TUBA1A: variants seen among roughly 807,000 people sequenced by gnomAD.
TUBA1A encodes tubulin alpha-1A chain.
Under a neutral mutation model 34.6 loss-of-function variants are expected in TUBA1A, and 7 were observed. That is an observed-to-expected ratio of 0.20 (90% CI 0.11 to 0.38). The LOEUF is 0.38. TUBA1A is among the 10% of genes least tolerant of loss of function. The pLI, the probability that TUBA1A is intolerant of heterozygous loss-of-function variation, is 1.00. For synonymous variants in TUBA1A, 193 were observed against 210.2 expected, an observed-to-expected ratio of 0.92 and a Z score of 0.71; for missense variants, 19 against 581.3, an observed-to-expected ratio of 0.03 and a Z score of 9.95.
intron 1 of TUBA1A, chr12:49,187,259 T>C (rs1044206245): frequency 1.8e-6 from 2 of 1,100,002 alleles, no homozygotes; most frequent in African/African-American, 3.3e-5. Flanking sequence ...TCCGGACATC[T>C]GTACTGCAGC....
intron 1 of TUBA1A, chr12:49,187,873 C>G (rs1449593647): frequency 1.2e-5 from 11 of 956,160 alleles, no homozygotes; most frequent in Non-Finnish European, 1.2e-5. Context: ...TTAGGGCTAC[C>G]ACTTTCATTG....
In TUBA1A at chr12:49,188,786, G is replaced by A; in HGVS notation, c.3+191C>T. On this transcript the variant is annotated intron_variant, in intron 1 of 3. Coordinates refer to ENST00000301071, the MANE Select transcript of TUBA1A (RefSeq NM_006009.4). This position sits in a 1 kb window ranked among gnomAD's most constrained non-coding sequence, Gnocchi z 4.9. The stretch of plus-strand genomic sequence containing the variant: ...TCTGCTGCGCCCTGGGCGCAGTACT[G>A]GCCCGGTTCCTGCACCCGCACTGCG... 6.3e-7 allele frequency: 1 copy of A among 1,584,456 alleles called. No homozygotes were observed. The highest frequency in any genetic ancestry group is 8.5e-7 in the Non-Finnish European group (1 of 1,172,918).
In TUBA1A at chr12:49,188,436, G is replaced by T. The variant is rs1207393539; in HGVS notation, c.3+541C>A. On this transcript the variant is annotated intron_variant, in intron 1 of 3. Coordinates refer to ENST00000301071, the MANE Select transcript of TUBA1A (RefSeq NM_006009.4). This position sits in a 1 kb window ranked among gnomAD's most constrained non-coding sequence, Gnocchi z 4.9. ...ACTCACCATGTTTTCCCGGGAATGT[G>T]TGGGTATCTTTCCAAAACGCCAAAG... The T allele has an allele frequency of 6.5e-7, 1 of 1,535,924 alleles. No homozygotes were observed. Among genetic ancestry groups the T allele is most frequent in the South Asian group, 1.2e-5 (1 of 84,050 alleles).
chr12:49,184,834 C>A lies in TUBA1A; in HGVS notation c.*176G>T. 3 of 1,039,714 alleles carry A rather than the reference C, an allele frequency of 2.9e-6. No individual in the cohort carries two copies. Among genetic ancestry groups the A allele is most frequent in the Non-Finnish European group, 4.3e-6 (3 of 694,914 alleles). 64.4% of individuals were successfully genotyped at this position (1,039,714 alleles called of 1,614,324 possible). Reference sequence around the variant, plus strand: ...GGAATACTTTATTCAAAACCCATCACAGAAATGGACAGCTTGGGTCTGTAA... The same window carrying A: ...GGAATACTTTATTCAAAACCCATCAAAGAAATGGACAGCTTGGGTCTGTAA... On this transcript the variant is annotated 3_prime_UTR_variant, in exon 4 of 4. Transcript: ENST00000301071.
Position 49,188,893 on chromosome 12 carries a change from GAA to G in TUBA1A, c.3+82_3+83del, listed in dbSNP as rs1942217383. 6.2e-7 allele frequency: 1 copy of G among 1,613,682 alleles called. No homozygotes were observed. The highest frequency in any genetic ancestry group is 8.5e-7 in the Non-Finnish European group (1 of 1,180,036). On this transcript the variant is annotated intron_variant, in intron 1 of 3. Transcript: ENST00000301071. This position sits in a 1 kb window ranked among gnomAD's most constrained non-coding sequence, Gnocchi z 4.9. ...ACCCTCGCCCAGAGAGCTTACGAAA[GAA>G]AAGAGCTTAAAGGTTTTCCAAGTAG...
rs1942214380 is a variant in TUBA1A at position 49,188,690 on chromosome 12, C to T, written c.3+287G>A. Reference sequence around the variant, plus strand: ...AGACCCCTCGGTCGCGGCAGACGGGCTGCCCGCGGCCCCCGAAAGTCTCTC... The same window carrying T: ...AGACCCCTCGGTCGCGGCAGACGGGTTGCCCGCGGCCCCCGAAAGTCTCTC... On this transcript the variant is annotated intron_variant, in intron 1 of 3. Coordinates refer to ENST00000301071, the MANE Select transcript of TUBA1A (RefSeq NM_006009.4). The surrounding 1 kb of genome is among the most constrained non-coding windows in gnomAD (Gnocchi z 4.9). 8.3e-6 allele frequency: 12 copies of T among 1,438,332 alleles called. 1 individual carries two copies. In the South Asian group the frequency reaches 1.7e-4, roughly 20 times the overall value. 89.1% of individuals were successfully genotyped at this position (1,438,332 alleles called of 1,614,324 possible).
Position 49,188,323 on chromosome 12 carries a change from C to T in TUBA1A, c.3+654G>A. On this transcript the variant is annotated intron_variant, in intron 1 of 3. Coordinates refer to ENST00000301071, the MANE Select transcript of TUBA1A (RefSeq NM_006009.4). The surrounding 1 kb of genome is among the most constrained non-coding windows in gnomAD (Gnocchi z 4.9). ...AGAGGTTCAGTGAGGGCGAACCCCG[C>T]CCAGTGGCTCCAACGCCATAGAAGC... is the stretch of plus-strand genomic sequence containing the variant. The T allele has an allele frequency of 6.6e-7, 1 of 1,517,500 alleles. No homozygotes were observed. The highest frequency in any genetic ancestry group is 8.8e-7 in the Non-Finnish European group (1 of 1,134,304). The allele number at this position is 1,517,500 out of a possible 1,614,324, so 94.0% of individuals were successfully genotyped here.
At chr12:49,187,053 C>T in intron 1 of TUBA1A, 1 of 1,430,264 alleles carries the variant, frequency 7.0e-7, no homozygotes, top group South Asian at 1.6e-5. Flanking sequence ...CTGTTCAGCA[C>T]GTGGTACCAG....
Position 49,184,879 on chromosome 12 carries a change from A to G in TUBA1A, c.*131T>C. The G allele has an allele frequency of 6.8e-7, 1 of 1,460,186 alleles. No individual in the cohort carries two copies. Among genetic ancestry groups the G allele is most frequent in the Non-Finnish European group, 9.6e-7 (1 of 1,045,074 alleles). 90.5% of individuals were successfully genotyped at this position (1,460,186 alleles called of 1,614,324 possible). ...CTGTAACAAAGCATTCATGTTTTAG[A>G]GCATAGGTCAGTAATTGTATATGAG... On this transcript the variant is annotated 3_prime_UTR_variant, in exon 4 of 4. Transcript: ENST00000301071.
intron 1 of TUBA1A, chr12:49,187,068 T>C (rs1942190607): frequency 2.1e-6 from 3 of 1,415,096 alleles, no homozygotes; most frequent in Admixed American, 2.9e-5. Flanking sequence ...TACCAGCCCA[T>C]TGTGCCTACT....
intron 1 of TUBA1A, chr12:49,187,456 T>C (rs767718902): frequency 7.4e-5 from 73 of 986,990 alleles, no homozygotes; most frequent in Non-Finnish European, 8.7e-5. Context: ...ATGATCTCAT[T>C]GTGCTGTTTT....
chr12:49,187,365 G>A, intron 1 of TUBA1A: 2 of 1,026,120 alleles, frequency 1.9e-6, no homozygotes, highest in East Asian at 9.1e-5. Flanking sequence ...CTGCATTGCT[G>A]TATTTGCTGT....
At position 49,186,484 on chromosome 12, in the gene TUBA1A, A is replaced by AG. The variant is rs146262934; in HGVS notation, c.227-27dup. ...CTGGAGAACATGATGGGGGAGGAGC[A>AG]GGGGGGAGGAGGAGGAGGGACGAGG... On this transcript the variant is annotated intron_variant, in intron 2 of 3. Transcript: ENST00000301071. This position sits in a 1 kb window ranked among gnomAD's most constrained non-coding sequence, Gnocchi z 6.6. The AG allele has an allele frequency of 1.9e-5, 29 of 1,505,190 alleles. No individual in the cohort carries two copies. The African/African-American group carries it at 3.8e-4, about 20-fold the overall frequency. The allele number at this position is 1,505,190 out of a possible 1,614,324, so 93.2% of individuals were successfully genotyped here. A position where few individuals can be genotyped will look rare whatever the true frequency, so the allele number is the denominator to read the frequency against.
rs763020212 is a variant in TUBA1A at position 49,186,514 on chromosome 12, G to C, written c.227-56C>G. 15 of 1,612,806 alleles carry C rather than the reference G, an allele frequency of 9.3e-6. No individual in the cohort carries two copies. In the South Asian group the frequency reaches 1.1e-4, roughly 12 times the overall value. ...GGAGGAGGAGGAGGGACGAGGAGCG[G>C]GGAGGGAGAGTGGGTGAGTGACCAG... On this transcript the variant is annotated intron_variant, in intron 2 of 3. Transcript: ENST00000301071. The surrounding 1 kb of genome is among the most constrained non-coding windows in gnomAD (Gnocchi z 6.6).
rs1942205198 is a variant in TUBA1A at position 49,188,110 on chromosome 12, AC to A, written c.3+866del. Reference sequence around the variant, plus strand: ...CACACACACACACACACACACACACACACTTCAGTCGGTCAGGGCAGGGCGT... The same window carrying A: ...CACACACACACACACACACACACACAACTTCAGTCGGTCAGGGCAGGGCGT... On this transcript the variant is annotated intron_variant, in intron 1 of 3. Coordinates refer to ENST00000301071, the MANE Select transcript of TUBA1A (RefSeq NM_006009.4). The surrounding 1 kb of genome is among the most constrained non-coding windows in gnomAD (Gnocchi z 4.9). 1 of 982,762 alleles carries A rather than the reference AC, an allele frequency of 1.0e-6. No individual in the cohort carries two copies. The highest frequency in any genetic ancestry group is 1.2e-6 in the Non-Finnish European group (1 of 828,776). 60.9% of individuals were successfully genotyped at this position (982,762 alleles called of 1,614,324 possible). A position where few individuals can be genotyped will look rare whatever the true frequency, so the allele number is the denominator to read the frequency against.
Position 49,189,030 on chromosome 12 carries a change from T to C in TUBA1A, c.-51A>G, listed in dbSNP as rs1466934818. ...TGATGGCGGAGACGAAGAGGAGAGG[T>C]TGTTGCTTCTTACAGCGCGACTCTT... On this transcript the variant is annotated 5_prime_UTR_variant, in exon 1 of 4. Coordinates refer to ENST00000301071, the MANE Select transcript of TUBA1A (RefSeq NM_006009.4). The C allele has an allele frequency of 2.5e-6, 4 of 1,612,878 alleles. No homozygotes were observed. The highest frequency in any genetic ancestry group is 3.4e-6 in the Non-Finnish European group (4 of 1,178,948).
Position 49,188,791 on chromosome 12 carries a change from G to C in TUBA1A, c.3+186C>G. 3 of 1,588,214 alleles carry C rather than the reference G, an allele frequency of 1.9e-6. No individual in the cohort carries two copies. The highest frequency in any genetic ancestry group is 2.6e-6 in the Non-Finnish European group (3 of 1,174,516). Reference sequence around the variant, plus strand: ...TGCGCCCTGGGCGCAGTACTGGCCCGGTTCCTGCACCCGCACTGCGGCGGC... The same window carrying C: ...TGCGCCCTGGGCGCAGTACTGGCCCCGTTCCTGCACCCGCACTGCGGCGGC... On this transcript the variant is annotated intron_variant, in intron 1 of 3. Transcript: ENST00000301071. The surrounding 1 kb of genome is among the most constrained non-coding windows in gnomAD (Gnocchi z 4.9).
rs1254644415 is a variant in TUBA1A, at chr12:49,188,878, A to G, written c.3+99T>C. 6.2e-6 allele frequency: 10 copies of G among 1,612,956 alleles called. No individual in the cohort carries two copies. The highest frequency in any genetic ancestry group is 8.5e-6 in the Non-Finnish European group (10 of 1,179,958). ...ACAAAACATACCACCACCCTCGCCC[A>G]GAGAGCTTACGAAAGAAAAGAGCTT... is the stretch of plus-strand genomic sequence containing the variant. On this transcript the variant is annotated intron_variant, in intron 1 of 3. Transcript: ENST00000301071. The surrounding 1 kb of genome is among the most constrained non-coding windows in gnomAD (Gnocchi z 4.9).
chr12:49,187,121 A>G, intron 1 of TUBA1A: 1 of 1,297,548 alleles, frequency 7.7e-7, no homozygotes, highest in South Asian at 1.9e-5. Context: ...AAAAGTATTC[A>G]GTATTCAAAG....
Sources: gnomAD v4.1 joint callset for allele counts on GRCh38, gnomAD v4.1.1 for gene constraint, Gnocchi (gnomAD v3.1) non-coding constraint, MANE v1.5 for transcripts, NCBI Gene and HGNC (gene_info 2026-07-23, HGNC 2026-07-21) for gene names.